NRG1: variants seen among roughly 807,000 people sequenced by gnomAD.
NRG1 encodes the protein pro-neuregulin-1, membrane-bound isoform.
A neutral mutation model predicts 63.8 loss-of-function variants in NRG1; 18 were observed. That is an observed-to-expected ratio of 0.28 (90% CI 0.19 to 0.42). The LOEUF (loss-of-function observed/expected upper bound fraction) is 0.42. Ranked by LOEUF, NRG1 falls within the 10% of genes least tolerant of loss-of-function variation. The pLI, the probability that NRG1 is intolerant of heterozygous loss-of-function variation, is 1.00. For missense variants in NRG1, 762 were observed against 814.7 expected, an observed-to-expected ratio of 0.94 and a Z score of 0.79; for synonymous variants, 302 against 301.3, an observed-to-expected ratio of 1.00 and a Z score of -0.02.
At chr8:31,781,956 C>T (rs1003507656) in intron 1 of NRG1, among the ~76,000 whole-genome samples, 8 of 152,140 alleles carry the variant, frequency 5.3e-5, no homozygotes, top group African/African-American at 1.9e-4. Context: ...AGAGAGTGGG[C>T]ACTTCTCCCC....
At chr8:31,985,141 G>T (rs327370) in intron 1 of NRG1, among the ~76,000 whole-genome samples, 111,803 of 151,900 alleles carry the variant, frequency 0.74, 42,184 homozygotes, top group Non-Finnish European at 0.82. Context: ...TTCGTAATCT[G>T]TTTTTAGACA....
rs756476779 is a variant in NRG1, at chr8:32,246,396, C to T, written c.38-349432C>T. ...TTAACAGTTTCATGCATACATCTGC[C>T]TCTCCAAACAGGGCTCTGGAAATCC... is the stretch of plus-strand genomic sequence containing the variant. On this transcript the variant is annotated intron_variant, in intron 1 of 10. Coordinates refer to the NRG1 transcript ENST00000519301. 3.4e-4 allele frequency among the ~76,000 whole-genome samples: 51 copies of T among 152,122 alleles called. 1 individual carries two copies. Among genetic ancestry groups the T allele is most frequent in the Admixed American group, 5.9e-4 (9 of 15,260 alleles).
At position 32,415,365 on chromosome 8, in the gene NRG1, C is replaced by CAA. The variant is rs5890647; in HGVS notation, c.38-180449_38-180448dup. Among the ~76,000 whole-genome samples, 241 of 115,198 alleles carry CAA rather than the reference C, an allele frequency of 2.1e-3. 1 individual carries two copies. Among genetic ancestry groups the CAA allele is most frequent in the Non-Finnish European group, 3.0e-3 (171 of 57,040 alleles). The allele number at this position is 115,198 out of a possible 152,430, so 75.6% of individuals were successfully genotyped here. On this transcript the variant is annotated intron_variant, in intron 1 of 10. Transcript: ENST00000519301. ...GAGGTTTCAGAGCAAGACTCTGTCT[C>CAA]AAAAAAAAAAAAAAAGAAAGAAAGA...
At chr8:31,772,554 CT>C (rs1391139923) in intron 1 of NRG1, among the ~76,000 whole-genome samples, 1 of 152,024 alleles carries the variant, frequency 6.6e-6, no homozygotes, top group Admixed American at 6.6e-5. Context: ...TTGCCTTGGT[CT>C]TCTAGGACCC....
intron 1 of NRG1, among the ~76,000 whole-genome samples, chr8:31,685,028 A>G (rs1808740908): frequency 6.6e-6 from 1 of 152,180 alleles, no homozygotes. Context: ...ACGTATTTTC[A>G]TTCTAAAACT....
At chr8:32,360,567 T>C (rs1807074873) in intron 1 of NRG1, among the ~76,000 whole-genome samples, 1 of 152,234 alleles carries the variant, frequency 6.6e-6, no homozygotes, top group South Asian at 2.1e-4. Context: ...TTAAACATTT[T>C]ATAATTGTGG....
intron 5 of NRG1, among the ~76,000 whole-genome samples, chr8:32,649,775 T>C (rs1403416165): frequency 6.6e-6 from 1 of 152,220 alleles, no homozygotes; most frequent in East Asian, 1.9e-4. Context: ...AGACGCTGCT[T>C]TGTATCTTTA....
At chr8:32,018,192 C>T (rs528740838) in intron 1 of NRG1, among the ~76,000 whole-genome samples, 22 of 152,294 alleles carry the variant, frequency 1.4e-4, no homozygotes, top group African/African-American at 5.3e-4. Flanking sequence ...AGTATTTCAA[C>T]CCCAATTGTC....
intron 1 of NRG1, among the ~76,000 whole-genome samples, chr8:32,505,588 A>G (rs767244516): frequency 4.6e-5 from 7 of 152,182 alleles, no homozygotes; most frequent in Non-Finnish European, 1.0e-4. Flanking sequence ...TGCCCTCATG[A>G]TGGAAAGTCA....
chr8:32,705,738 C>G (rs1816234466), intron 5 of NRG1, among the ~76,000 whole-genome samples: 1 of 152,152 alleles, frequency 6.6e-6, no homozygotes, highest in African/African-American at 2.4e-5. Flanking sequence ...TCACCAGCAT[C>G]ATTGGTGTAT....
intron 1 of NRG1, among the ~76,000 whole-genome samples, chr8:32,166,948 A>C (rs1296702526): frequency 6.6e-6 from 1 of 152,192 alleles, no homozygotes; most frequent in Non-Finnish European, 1.5e-5. Flanking sequence ...ACATTAAACT[A>C]TGGCTGGTTT....
chr8:32,037,942 A>G (rs928067388), intron 1 of NRG1, among the ~76,000 whole-genome samples: 2 of 152,226 alleles, frequency 1.3e-5, no homozygotes, highest in African/African-American at 4.8e-5. Flanking sequence ...CCGCTGAGCA[A>G]GGCCGCTTGG....
At chr8:31,857,035 T>G (rs1328722889) in intron 1 of NRG1, among the ~76,000 whole-genome samples, 1 of 152,200 alleles carries the variant, frequency 6.6e-6, no homozygotes, top group Admixed American at 6.5e-5. Flanking sequence ...ACAGGGACAT[T>G]TAAGTCTGCA....
In NRG1 at chr8:31,640,423, C is replaced by T. The variant is rs1411742450; in HGVS notation, c.37+992C>T. 12 of 1,501,480 alleles carry T rather than the reference C, an allele frequency of 8.0e-6. No individual in the cohort carries two copies. Among genetic ancestry groups the T allele is most frequent in the African/African-American group, 4.3e-5 (3 of 69,570 alleles). 93.0% of individuals were successfully genotyped at this position (1,501,480 alleles called of 1,614,324 possible). A position where few individuals can be genotyped will look rare whatever the true frequency, so the allele number is the denominator to read the frequency against. ...GACCGTGCCCTCTTGGCCCACCGCC[C>T]CGGTGCCCAGCGCCGGCGAGCCCGG... On this transcript the variant is annotated intron_variant, in intron 1 of 10. Transcript: ENST00000519301. This position sits in a 1 kb window ranked among gnomAD's most constrained non-coding sequence, Gnocchi z 6.3.
intron 1 of NRG1, among the ~76,000 whole-genome samples, chr8:32,429,127 G>A (rs536950906): frequency 1.3e-5 from 2 of 149,070 alleles, no homozygotes; most frequent in Non-Finnish European, 3.0e-5. Context: ...ATGAAGTACG[G>A]TTTTTTTTTT....
At chr8:31,813,814 A>T (rs13255030) in intron 1 of NRG1, among the ~76,000 whole-genome samples, 1 of 151,926 alleles carries the variant, frequency 6.6e-6, no homozygotes, top group Admixed American at 6.5e-5. Flanking sequence ...GGTGTGAGCC[A>T]TCATGCCTGG....
At chr8:32,444,648 A>G (rs937659356) in intron 1 of NRG1, among the ~76,000 whole-genome samples, 1 of 152,204 alleles carries the variant, frequency 6.6e-6, no homozygotes, top group African/African-American at 2.4e-5. Flanking sequence ...TGGTAATCCC[A>G]GACATTTTAA....
chr8:32,242,498 T>G (rs1219990424), intron 1 of NRG1, among the ~76,000 whole-genome samples: 6 of 152,054 alleles, frequency 3.9e-5, no homozygotes, highest in Non-Finnish European at 1.5e-5. Flanking sequence ...AAAAGAAAAA[T>G]AAGAACACGT....
chr8:32,257,414 AAT>A (rs1187961494), intron 1 of NRG1, among the ~76,000 whole-genome samples: 1 of 152,202 alleles, frequency 6.6e-6, no homozygotes, highest in African/African-American at 2.4e-5. Flanking sequence ...TTTATTGGAA[AAT>A]ATAGAACTTT....
Sources: allele counts gnomAD v4.1 joint callset (sites outside exome capture counted in the v4.1 genomes callset), GRCh38; gene constraint gnomAD v4.1.1; non-coding constraint Gnocchi (gnomAD v3.1); transcripts MANE v1.5; gene names NCBI Gene and HGNC (gene_info 2026-07-23, HGNC 2026-07-21).